The following CYP4F8 variants were observed in gnomAD, a reference collection of about 807,000 sequenced individuals.
CYP4F8 encodes the protein cytochrome P450 4F8.
Under a neutral mutation model 55.0 loss-of-function variants are expected in CYP4F8, and 56 were observed. The ratio of observed to expected loss-of-function variants is 1.02; its 90% CI spans 0.82 to 1.27. The LOEUF (loss-of-function observed/expected upper bound fraction) is 1.27. CYP4F8 is among the 50% of genes most tolerant of loss of function. The pLI is 0.00. For missense variants in CYP4F8, 680 were observed against 682.4 expected (o/e 1.00, Z 0.04); for synonymous variants, 288 against 267.3 (o/e 1.08, Z -0.76).
chr19:15,616,001 CTCACT>C (rs1352165806), intron 2 of CYP4F8, among the ~76,000 whole-genome samples, 187 bp downstream of exon 2: 2 of 86,992 alleles, frequency 2.3e-5, no homozygotes, highest in Non-Finnish European at 2.7e-5. Flanking sequence ...ACTCATTCTC[CTCACT>C]CACTCATTCC....
chr19:15,628,502 T>C, intron 10 of CYP4F8, 29 bp from the exon 11 acceptor site: 2 of 1,613,532 alleles, frequency 1.2e-6, no homozygotes, highest in South Asian at 1.1e-5. Flanking sequence ...GCTCGGACCT[T>C]GTTCTTACTG....
Position 15,623,773 on chromosome 19 carries a change from T to A in CYP4F8, c.985+8T>A. 38 of 1,613,216 alleles carry A rather than the reference T, an allele frequency of 2.4e-5. No individual in the cohort carries two copies. Among genetic ancestry groups the A allele is most frequent in the Non-Finnish European group, 3.2e-5 (38 of 1,179,996 alleles). On this transcript the variant is annotated splice_region_variant and intron_variant, in intron 8 of 12. Coordinates refer to ENST00000612078, the MANE Select transcript of CYP4F8 (RefSeq NM_007253.4). Reference sequence around the variant, plus strand: ...ACACTTTCATGTTTGGAGGTGAGTGTCCCAGTCTGGGGCTACAGTGGGGAC... The same window carrying A: ...ACACTTTCATGTTTGGAGGTGAGTGACCCAGTCTGGGGCTACAGTGGGGAC...
intron 2 of CYP4F8, among the ~76,000 whole-genome samples, chr19:15,617,513 T>C (rs925476938): frequency 1.3e-5 from 2 of 151,936 alleles, no homozygotes; most frequent in African/African-American, 2.4e-5. Flanking sequence ...TATCTATCTA[T>C]CTATCTATCT....
intron 2 of CYP4F8, among the ~76,000 whole-genome samples, chr19:15,617,764 GAAAAC>G (rs997589943): frequency 2.0e-5 from 3 of 152,172 alleles, no homozygotes; most frequent in Admixed American, 2.0e-4. Context: ...CTGCAGAGGA[GAAAAC>G]AAATTCACCC....
rs150105388 is a variant in CYP4F8, at chr19:15,619,789, G to C, written c.525+27G>C. The C allele has an allele frequency of 2.0e-3, 3,203 of 1,611,518 alleles. 56 individuals carry two copies. The Admixed American group carries it at 0.035, about 18-fold the overall frequency. On this transcript the variant is annotated intron_variant, in intron 5 of 12. Transcript: ENST00000612078. The stretch of plus-strand genomic sequence containing the variant: ...TGAGTGCCTTGAACTCAGCATCCCA[G>C]CTGCAGCCTTGGGGTGGAGGGATCA...
rs554734779 is a variant in CYP4F8 at position 15,628,685 on chromosome 19, C to T, written c.1315-76C>T. On this transcript the variant is annotated intron_variant, in intron 11 of 12. Transcript: ENST00000612078. The stretch of plus-strand genomic sequence containing the variant: ...ACCAGATACTCCCTCTCTACTCCAC[C>T]CACATCTGTTTTATGTGGGGGTGGC... The T allele has an allele frequency of 3.7e-5, 59 of 1,607,590 alleles. No homozygotes were observed. In the Admixed American group the frequency reaches 5.2e-4, roughly 14 times the overall value.
intron 6 of CYP4F8, chr19:15,622,852 G>A (rs998170658): frequency 1.8e-6 from 1 of 542,320 alleles, no homozygotes; most frequent in Non-Finnish European, 3.3e-6. Flanking sequence ...GGCAGATTTG[G>A]GAGAAACTGA....
At chr19:15,626,566 AT>A (rs1377755432) in intron 9 of CYP4F8, among the ~76,000 whole-genome samples, 1 of 152,012 alleles carries the variant, frequency 6.6e-6, no homozygotes, top group African/African-American at 2.4e-5. Flanking sequence ...TCTCTTGTAG[AT>A]TTGCAGGAAT....
At position 15,629,747 on chromosome 19, in the gene CYP4F8, T is replaced by G. The variant is rs773127970; in HGVS notation, c.*389T>G. 5.9e-6 allele frequency: 1 copy of G among 170,488 alleles called. No individual in the cohort carries two copies. Among genetic ancestry groups the G allele is most frequent in the Non-Finnish European group, 1.3e-5 (1 of 79,822 alleles). 10.6% of individuals were successfully genotyped at this position (170,488 alleles called of 1,614,324 possible). The stretch of plus-strand genomic sequence containing the variant: ...CACATTTGAAAGCCTTTCTTGAAGC[T>G]CAATTGGTTAAGTGACTGTGGCTGT... On this transcript the variant is annotated 3_prime_UTR_variant, in exon 13 of 13. Transcript: ENST00000612078.
intron 7 of CYP4F8, 49 bp downstream of exon 7, chr19:15,623,424 T>C: frequency 2.5e-6 from 4 of 1,600,322 alleles, no homozygotes; most frequent in East Asian, 2.2e-5. Context: ...GAGCTTCAGG[T>C]CAAATGTCAG....
chr19:15,628,755 C>A lies in CYP4F8; in HGVS notation c.1315-6C>A, dbSNP rs745509637. The A allele has an allele frequency of 7.7e-5, 124 of 1,613,476 alleles. 1 individual carries two copies. The highest frequency in any genetic ancestry group is 4.9e-4 in the Middle Eastern group (3 of 6,080). On this transcript the variant is annotated splice_polypyrimidine_tract_variant and splice_region_variant and intron_variant, in intron 11 of 12. Transcript: ENST00000612078. ...CATCAGCAGCCTTAACTTGCCTCCA[C>A]CCCAGGTCTATGACCCCTTCCGCTT...
Position 15,615,732 on chromosome 19 carries a change from A to G in CYP4F8, c.116A>G (p.Tyr39Cys), listed in dbSNP as rs551441666. The change falls in exon 2 of 13, where the codon TAT (tyrosine) becomes TGT (cysteine). Residue 39 changes from tyrosine (Y) to cysteine (C), a missense_variant. Physicochemically the swap from Tyr to Cys is radical, Grantham distance 194. Coordinates refer to ENST00000612078, the MANE Select transcript of CYP4F8 (RefSeq NM_007253.4). Reference sequence around the variant, plus strand: ...CTGGCCCGCATCCTGGCCTGGACCTATGCCTTCTATCACAACGGCCGCCGC... The same window carrying G: ...CTGGCCCGCATCCTGGCCTGGACCTGTGCCTTCTATCACAACGGCCGCCGC... ...WLLARILAWT[Y>C]AFYHNGRRLR... is the part of the protein sequence containing the mutation. 2.5e-6 allele frequency: 4 copies of G among 1,614,010 alleles called. No individual in the cohort carries two copies. Among genetic ancestry groups the G allele is most frequent in the South Asian group, 2.2e-5 (2 of 91,080 alleles).
At chr19:15,623,867 TC>T in intron 8 of CYP4F8, 97 bp from the exon 9 acceptor site, 1 of 1,592,374 alleles carries the variant, frequency 6.3e-7, no homozygotes, top group Non-Finnish European at 8.6e-7. Flanking sequence ...AACCTCCCCC[TC>T]CCCTCAACCT....
intron 1 of CYP4F8, 43 bp from the exon 2 acceptor site, chr19:15,615,573 C>T (rs1243437941): frequency 1.3e-6 from 2 of 1,598,774 alleles, no homozygotes; most frequent in East Asian, 2.2e-5. Flanking sequence ...CAGCCCCTTT[C>T]CTAGGCCTCA....
Position 15,623,992 on chromosome 19 carries a change from C to CCTGG in CYP4F8, c.1014_1017dup (p.Val340LeufsTer28). ...CATGACACCACGGCCAGTGGCCTCT[C>CCTGG]CTGGGTCTTGTACAACCTCGCGAGG... On this transcript the variant is annotated frameshift_variant, in exon 9 of 13. Coordinates refer to ENST00000612078, the MANE Select transcript of CYP4F8 (RefSeq NM_007253.4). LOFTEE classifies it high-confidence loss of function. The CCTGG allele has an allele frequency of 6.2e-7, 1 of 1,614,192 alleles. No individual in the cohort carries two copies. Among genetic ancestry groups the CCTGG allele is most frequent in the Non-Finnish European group, 8.5e-7 (1 of 1,180,022 alleles).
intron 7 of CYP4F8, 45 bp downstream of exon 7, chr19:15,623,420 C>G (rs1175409316): frequency 4.4e-6 from 7 of 1,602,550 alleles, no homozygotes; most frequent in Middle Eastern, 1.7e-4. Flanking sequence ...AATGGAGCTT[C>G]AGGTCAAATG....
rs1386143655 is a variant in CYP4F8, at chr19:15,628,644, G to A, written c.1314+49G>A. 3 of 1,608,310 alleles carry A rather than the reference G, an allele frequency of 1.9e-6. No homozygotes were observed. The Admixed American group carries it at 5.0e-5, about 27-fold the overall frequency. On this transcript the variant is annotated intron_variant, in intron 11 of 12. Coordinates refer to ENST00000612078, the MANE Select transcript of CYP4F8 (RefSeq NM_007253.4). Reference sequence around the variant, plus strand: ...ATCCCCCGGGCCTGGTCGGGGGAGGGGTCTTGTCCCGGAAAACCAGATACT... The same window carrying A: ...ATCCCCCGGGCCTGGTCGGGGGAGGAGTCTTGTCCCGGAAAACCAGATACT...
intron 6 of CYP4F8, chr19:15,622,861 G>A (rs1599860521): frequency 1.8e-6 from 1 of 558,414 alleles, no homozygotes; most frequent in Non-Finnish European, 3.2e-6. Flanking sequence ...GGGAGAAACT[G>A]AGTAATAATA....
intron 9 of CYP4F8, among the ~76,000 whole-genome samples, chr19:15,626,175 C>T (rs1972259432): frequency 6.6e-6 from 1 of 152,196 alleles, no homozygotes; most frequent in Non-Finnish European, 1.5e-5. Context: ...AGTGCAATGA[C>T]CATCTTTGTG....
Sources: allele counts gnomAD v4.1 joint callset (sites outside exome capture counted in the v4.1 genomes callset), GRCh38; gene constraint gnomAD v4.1.1; transcripts MANE v1.5; gene names NCBI Gene and HGNC (gene_info 2026-07-23, HGNC 2026-07-21).